ROBO1: variants seen among roughly 807,000 people sequenced by gnomAD.
The protein encoded by ROBO1 is roundabout guidance receptor 1.
Under a neutral mutation model 195.9 loss-of-function variants are expected in ROBO1, and 149 were observed. That is an observed-to-expected ratio of 0.76 (90% CI 0.67 to 0.87). The LOEUF (loss-of-function observed/expected upper bound fraction) is 0.87. Among genes scored for constraint, ROBO1 ranks in the 40% least tolerant of loss-of-function variants. The pLI is 0.00. For missense variants in ROBO1, 1,933 were observed against 2,068.3 expected, an observed-to-expected ratio of 0.93 and a Z score of 1.27; for synonymous variants, 816 against 733.2, an observed-to-expected ratio of 1.11 and a Z score of -1.82.
At chr3:79,686,379 G>A (rs1466942139) in intron 1 of ROBO1, among the ~76,000 whole-genome samples, 1 of 152,096 alleles carries the variant, frequency 6.6e-6, no homozygotes, top group African/African-American at 2.4e-5. Flanking sequence ...AGGGCAATTA[G>A]GCAGGAGAAG....
chr3:79,277,341 A>C (rs758270493), intron 2 of ROBO1, among the ~76,000 whole-genome samples: 28 of 152,122 alleles, frequency 1.8e-4, no homozygotes, highest in Non-Finnish European at 3.1e-4. Flanking sequence ...ACTCAAGGTC[A>C]TTATGCTAAG....
chr3:79,604,471 T>C (rs1272482148), intron 1 of ROBO1, among the ~76,000 whole-genome samples: 1 of 152,066 alleles, frequency 6.6e-6, no homozygotes, highest in African/African-American at 2.4e-5. Flanking sequence ...AGTAGGCACT[T>C]GGTTCTTTGT....
intron 2 of ROBO1, among the ~76,000 whole-genome samples, chr3:79,379,314 T>G (rs756712821): frequency 5.3e-5 from 8 of 152,320 alleles, no homozygotes; most frequent in African/African-American, 1.7e-4. Context: ...GTTCCTTGCT[T>G]CTTTGGGCTT....
intron 1 of ROBO1, among the ~76,000 whole-genome samples, chr3:79,624,223 G>T (rs1236796524): frequency 6.6e-6 from 1 of 151,912 alleles, no homozygotes; most frequent in Non-Finnish European, 1.5e-5. Flanking sequence ...GGAAAAACTG[G>T]TACCAACCAC....
Position 78,680,453 on chromosome 3 carries a change from C to T in ROBO1, c.1342+5293G>A, listed in dbSNP as rs961147774. 1.1e-4 allele frequency among the ~76,000 whole-genome samples: 17 copies of T among 152,068 alleles called. 1 individual carries two copies. The highest frequency in any genetic ancestry group is 7.7e-4 in the East Asian group (4 of 5,172). On this transcript the variant is annotated intron_variant, in intron 10 of 30. Transcript: ENST00000464233. ...ACTCATCTGACAAAGGGCTAATATC[C>T]GGAATCTACAATGAACTCCAACAAA... is the stretch of plus-strand genomic sequence containing the variant.
At chr3:79,490,475 A>G (rs556395698) in intron 2 of ROBO1, among the ~76,000 whole-genome samples, 2 of 151,712 alleles carry the variant, frequency 1.3e-5, no homozygotes, top group East Asian at 3.9e-4. Context: ...CCAATAACAT[A>G]TATATTTAAA....
intron 2 of ROBO1, among the ~76,000 whole-genome samples, chr3:79,431,057 T>A (rs954449604): frequency 6.6e-6 from 1 of 151,800 alleles, no homozygotes; most frequent in African/African-American, 2.4e-5. Flanking sequence ...CAAAAGGAGG[T>A]AGTGGTTATT....
chr3:79,287,073 G>C (rs1215923253), intron 2 of ROBO1, among the ~76,000 whole-genome samples: 1 of 152,218 alleles, frequency 6.6e-6, no homozygotes, highest in Admixed American at 6.5e-5. Flanking sequence ...ATGAGTCACT[G>C]TATCTTATAA....
chr3:79,733,791 G>GT (rs1274218220), intron 1 of ROBO1, among the ~76,000 whole-genome samples: 5 of 152,034 alleles, frequency 3.3e-5, no homozygotes, highest in African/African-American at 1.2e-4. Context: ...TTATCTTCCT[G>GT]TATTTCCCAC....
chr3:79,595,485 G>A (rs1944137303), intron 1 of ROBO1, among the ~76,000 whole-genome samples: 2 of 152,028 alleles, frequency 1.3e-5, no homozygotes, highest in South Asian at 4.2e-4. Flanking sequence ...ATATTTGGAA[G>A]GACAGTAACT....
At chr3:79,165,200 C>G (rs2081040598) in intron 2 of ROBO1, among the ~76,000 whole-genome samples, 1 of 152,156 alleles carries the variant, frequency 6.6e-6, no homozygotes, top group Admixed American at 6.5e-5. Context: ...ATCATTCACG[C>G]TAACAGTGGA....
At chr3:79,566,005 T>C (rs755411777) in intron 2 of ROBO1, among the ~76,000 whole-genome samples, 1 of 152,120 alleles carries the variant, frequency 6.6e-6, no homozygotes, top group East Asian at 1.9e-4. Flanking sequence ...TATATAACTA[T>C]TGGACTCAGA....
chr3:79,036,307 G>T (rs753294229), intron 3 of ROBO1, among the ~76,000 whole-genome samples: 2 of 150,910 alleles, frequency 1.3e-5, no homozygotes, highest in African/African-American at 4.9e-5. Context: ...GATGAATTTT[G>T]CCTTAAATAA....
At chr3:78,828,030 T>C (rs534176714) in intron 4 of ROBO1, among the ~76,000 whole-genome samples, 6 of 152,334 alleles carry the variant, frequency 3.9e-5, no homozygotes, top group African/African-American at 1.4e-4. Flanking sequence ...AAACAGATAC[T>C]ATTAACATTT....
intron 4 of ROBO1, chr3:78,938,024 T>TGC (rs1213481775): frequency 6.5e-6 from 1 of 154,784 alleles, no homozygotes; most frequent in African/African-American, 2.4e-5. Context: ...TGTGTGTGTG[T>TGC]GTGTGTGTAT....
chr3:78,831,632 C>T (rs1450669601), intron 4 of ROBO1, among the ~76,000 whole-genome samples: 1 of 152,150 alleles, frequency 6.6e-6, no homozygotes, highest in Non-Finnish European at 1.5e-5. Flanking sequence ...AAACCATTCA[C>T]TAAAAGTGTG....
chr3:79,349,588 A>C (rs2035262489), intron 2 of ROBO1, among the ~76,000 whole-genome samples: 1 of 152,308 alleles, frequency 6.6e-6, no homozygotes, highest in Non-Finnish European at 1.5e-5. Flanking sequence ...AAGCAACAGT[A>C]ATCAAGACAG....
chr3:79,294,052 C>T (rs2032428436), intron 2 of ROBO1, among the ~76,000 whole-genome samples: 1 of 66,504 alleles, frequency 1.5e-5, no homozygotes, highest in Non-Finnish European at 2.4e-5. Context: ...AGCGAGACTC[C>T]ATCTCAAAAA....
At chr3:79,457,019 G>A (rs528355008) in intron 2 of ROBO1, among the ~76,000 whole-genome samples, 3 of 152,068 alleles carry the variant, frequency 2.0e-5, no homozygotes, top group African/African-American at 4.8e-5. Context: ...TTTGTACTCC[G>A]AAGACTTTAA....
Sources: gnomAD v4.1 joint callset for allele counts (sites outside exome capture counted in the v4.1 genomes callset) on GRCh38, gnomAD v4.1.1 for gene constraint, MANE v1.5 for transcripts, NCBI Gene and HGNC (gene_info 2026-07-23, HGNC 2026-07-21) for gene names.